The following AGBL4 variants were observed in gnomAD, a reference collection of about 807,000 sequenced individuals.
AGBL4 encodes the protein AGBL carboxypeptidase 4, also known as cytosolic carboxypeptidase 6.
Under a neutral mutation model 66.4 loss-of-function variants are expected in AGBL4, and 58 were observed. That is an observed-to-expected ratio of 0.87 (90% CI 0.71 to 1.09). The LOEUF is 1.09. Among genes scored for constraint, AGBL4 ranks in the 50% least tolerant of loss-of-function variants. AGBL4 has a pLI of 0.00. For missense variants in AGBL4, 579 were observed against 631.0 expected (o/e 0.92, Z 0.88); for synonymous variants, 234 against 222.9 (o/e 1.05, Z -0.44).
chr1:49,302,643 A>ATTTTATATTTTATTTTATTT (rs1644773750), intron 3 of AGBL4, among the ~76,000 whole-genome samples: 1 of 132,600 alleles, frequency 7.5e-6, no homozygotes, highest in African/African-American at 2.9e-5. Context: ...ATTTTATTTT[A>ATTTTATATTTTATTTTATTT]TTTTATTTTA....
At chr1:48,896,061 C>A (rs1456672274) in intron 5 of AGBL4, among the ~76,000 whole-genome samples, 1 of 152,212 alleles carries the variant, frequency 6.6e-6, no homozygotes, top group Non-Finnish European at 1.5e-5. Context: ...CCCTACTTCA[C>A]AGGGTTCTTG....
intron 3 of AGBL4, among the ~76,000 whole-genome samples, chr1:49,628,359 T>C (rs1209009951): frequency 1.3e-5 from 2 of 152,144 alleles, no homozygotes; most frequent in African/African-American, 2.4e-5. Context: ...GGAAATCTTA[T>C]GTATAACCAA....
intron 1 of AGBL4, among the ~76,000 whole-genome samples, chr1:49,986,716 A>G (rs1659533721): frequency 6.6e-6 from 1 of 152,066 alleles, no homozygotes; most frequent in Admixed American, 6.6e-5. Context: ...CTATTTCATA[A>G]TGCACTCTTT....
At chr1:48,752,364 G>A (rs1278706358) in intron 6 of AGBL4, among the ~76,000 whole-genome samples, 1 of 152,170 alleles carries the variant, frequency 6.6e-6, no homozygotes, top group Non-Finnish European at 1.5e-5. Flanking sequence ...GGTCAAATGG[G>A]GTGGTTGAGA....
At chr1:49,459,621 A>G (rs1172346656) in intron 3 of AGBL4, among the ~76,000 whole-genome samples, 12 of 151,126 alleles carry the variant, frequency 7.9e-5, no homozygotes, top group Admixed American at 7.9e-4. Context: ...TTTTTGTCTC[A>G]TTTATTTCTT....
At chr1:48,645,739 G>A (rs1407962725) in intron 8 of AGBL4, among the ~76,000 whole-genome samples, 1 of 152,134 alleles carries the variant, frequency 6.6e-6, no homozygotes, top group African/African-American at 2.4e-5. Context: ...GCCAGGTTCA[G>A]AAGGCTCAGT....
At chr1:49,474,897 C>T (rs1409787689) in intron 3 of AGBL4, among the ~76,000 whole-genome samples, 3 of 152,012 alleles carry the variant, frequency 2.0e-5, no homozygotes, top group Non-Finnish European at 4.4e-5. Flanking sequence ...GAAAATCTGA[C>T]TTCCTCTTTT....
chr1:49,266,641 A>G (rs1417735070), intron 3 of AGBL4, among the ~76,000 whole-genome samples: 2 of 151,612 alleles, frequency 1.3e-5, no homozygotes, highest in Non-Finnish European at 2.9e-5. Context: ...GCGAAGGTAG[A>G]GTCTGTAGCC....
At chr1:49,685,600 T>C (rs1430159047) in intron 3 of AGBL4, among the ~76,000 whole-genome samples, 1 of 152,210 alleles carries the variant, frequency 6.6e-6, no homozygotes, top group Non-Finnish European at 1.5e-5. Flanking sequence ...CCATTCTGAC[T>C]GGTGTGACAT....
chr1:49,146,848 C>T (rs192391258), intron 4 of AGBL4, among the ~76,000 whole-genome samples: 26 of 152,306 alleles, frequency 1.7e-4, no homozygotes, highest in Non-Finnish European at 3.2e-4. Flanking sequence ...TACAGCCAAC[C>T]CAAACATCTG....
chr1:50,004,918 T>C (rs752886245), intron 1 of AGBL4, among the ~76,000 whole-genome samples: 9 of 152,158 alleles, frequency 5.9e-5, no homozygotes, highest in Admixed American at 1.3e-4. Context: ...TACACCTAAA[T>C]ACCAACTCAG....
At chr1:49,951,014 T>C (rs1339215322) in intron 1 of AGBL4, among the ~76,000 whole-genome samples, 5 of 151,676 alleles carry the variant, frequency 3.3e-5, no homozygotes, top group African/African-American at 9.7e-5. Flanking sequence ...ATCACACTTA[T>C]ATGTAGAATC....
chr1:49,527,694 G>A (rs966117693), intron 3 of AGBL4: 1 of 152,138 alleles, frequency 6.6e-6, no homozygotes, highest in East Asian at 1.9e-4. Context: ...TCCCTTTGGG[G>A]AATTTGCCAC....
At chr1:48,909,305 T>C (rs1652882247) in intron 5 of AGBL4, among the ~76,000 whole-genome samples, 2 of 152,194 alleles carry the variant, frequency 1.3e-5, no homozygotes, top group South Asian at 4.1e-4. Flanking sequence ...TTCTGTCTGC[T>C]TTCATTTCAG....
intron 5 of AGBL4, among the ~76,000 whole-genome samples, chr1:48,907,145 C>T (rs1399776223): frequency 2.0e-5 from 3 of 152,116 alleles, no homozygotes; most frequent in Non-Finnish European, 4.4e-5. Flanking sequence ...AAGCATTTTG[C>T]GAGCTTTAAA....
At position 49,716,466 on chromosome 1, in the gene AGBL4, T is replaced by C. The variant is rs556935565; in HGVS notation, c.158-19029A>G. ...TTTTGGTTCCGTATGAAATTTAAAC[T>C]AGTTTTTTTCTAATTGTGTGAAGAA... is the stretch of plus-strand genomic sequence containing the variant. On this transcript the variant is annotated intron_variant, in intron 2 of 13. Coordinates refer to ENST00000371839, the MANE Select transcript of AGBL4 (RefSeq NM_032785.4). Among the ~76,000 whole-genome samples the C allele has an allele frequency of 2.6e-5, 4 of 152,186 alleles. No homozygotes were observed. In the East Asian group the frequency reaches 7.7e-4, roughly 29 times the overall value.
intron 6 of AGBL4, among the ~76,000 whole-genome samples, chr1:48,709,758 C>T (rs975159352): frequency 2.6e-5 from 4 of 152,060 alleles, no homozygotes; most frequent in Non-Finnish European, 4.4e-5. Context: ...CCCGCCACCA[C>T]GCCTGGCTAA....
chr1:49,286,635 C>T (rs1451007115), intron 3 of AGBL4, among the ~76,000 whole-genome samples: 2 of 151,686 alleles, frequency 1.3e-5, no homozygotes, highest in Non-Finnish European at 1.5e-5. Context: ...GAATAAAATA[C>T]CTAGGAATCC....
chr1:49,303,188 T>G (rs1225274293), intron 3 of AGBL4, among the ~76,000 whole-genome samples: 2 of 152,260 alleles, frequency 1.3e-5, no homozygotes, highest in African/African-American at 4.8e-5. Flanking sequence ...TAATGAGATT[T>G]CTGGGTCAAA....
Sources: gnomAD v4.1 joint callset for allele counts (sites outside exome capture counted in the v4.1 genomes callset) on GRCh38, gnomAD v4.1.1 for gene constraint, MANE v1.5 for transcripts, NCBI Gene and HGNC (gene_info 2026-07-23, HGNC 2026-07-21) for gene names.